Variants in ZCCHC17 observed in about 807,000 individuals in gnomAD.
ZCCHC17 encodes the protein zinc finger CCHC domain-containing protein 17.
ZCCHC17 carries 18 observed loss-of-function variants against 30.6 expected under a neutral mutation model. The ratio of observed to expected loss-of-function variants is 0.59; its 90% CI spans 0.41 to 0.87. ZCCHC17 has a LOEUF of 0.87. Ranked by LOEUF, ZCCHC17 falls within the 40% of genes least tolerant of loss-of-function variation. ZCCHC17 has a pLI of 0.00. For missense variants in ZCCHC17, 263 were observed against 284.2 expected (o/e 0.93, Z 0.54); for synonymous variants, 88 against 92.4 (o/e 0.95, Z 0.27).
intron 7 of ZCCHC17, among the ~76,000 whole-genome samples, chr1:31,358,627 AGT>A (rs1639738843): frequency 6.6e-6 from 1 of 151,634 alleles, no homozygotes; most frequent in Non-Finnish European, 1.5e-5. Context: ...AGGAGAAGTA[AGT>A]GTGGGAGTAG....
chr1:31,341,981 G>T (rs1639064310), intron 5 of ZCCHC17, among the ~76,000 whole-genome samples: 1 of 152,036 alleles, frequency 6.6e-6, no homozygotes, highest in South Asian at 2.1e-4. Flanking sequence ...GAGTGTGTGT[G>T]TAAGACCCAC....
At chr1:31,318,097 G>A (rs1057347964) in intron 2 of ZCCHC17, 4 of 1,162,398 alleles carry the variant, frequency 3.4e-6, no homozygotes, top group African/African-American at 1.6e-5. Flanking sequence ...TTTGCATATA[G>A]TGAGTATTCA....
chr1:31,299,378 G>A (rs900508778), intron 1 of ZCCHC17, among the ~76,000 whole-genome samples: 4 of 152,362 alleles, frequency 2.6e-5, no homozygotes, highest in Admixed American at 1.3e-4. Context: ...CATGCATGGA[G>A]AAAACCTTTC....
intron 1 of ZCCHC17, among the ~76,000 whole-genome samples, chr1:31,302,999 C>T (rs774758273): frequency 2.0e-5 from 3 of 152,000 alleles, no homozygotes; most frequent in Non-Finnish European, 4.4e-5. Context: ...GGCTCTTGGC[C>T]GGGTGCCATG....
chr1:31,362,969 T>C (rs977388785), intron 7 of ZCCHC17, among the ~76,000 whole-genome samples: 1 of 152,208 alleles, frequency 6.6e-6, no homozygotes, highest in Non-Finnish European at 1.5e-5. Context: ...GATGTATCCT[T>C]TTCAGTGTTC....
chr1:31,297,898 A>G (rs1646205932), intron 1 of ZCCHC17, among the ~76,000 whole-genome samples: 1 of 152,248 alleles, frequency 6.6e-6, no homozygotes, highest in East Asian at 1.9e-4. Flanking sequence ...TGGCTGGTAC[A>G]AAGAGAATGA....
chr1:31,337,592 A>G (rs561645439), intron 4 of ZCCHC17, among the ~76,000 whole-genome samples: 1 of 152,364 alleles, frequency 6.6e-6, no homozygotes, highest in African/African-American at 2.4e-5. Flanking sequence ...GACCTATGGG[A>G]CAAGTGTTTA....
chr1:31,304,376 C>CA (rs1381834343), intron 1 of ZCCHC17, among the ~76,000 whole-genome samples: 1 of 151,892 alleles, frequency 6.6e-6, no homozygotes, highest in African/African-American at 2.4e-5. Flanking sequence ...CTCCACCTCC[C>CA]ATGTTCAAGT....
intron 6 of ZCCHC17, among the ~76,000 whole-genome samples, chr1:31,347,640 T>G (rs1639322130): frequency 6.6e-6 from 1 of 152,130 alleles, no homozygotes; most frequent in Admixed American, 6.5e-5. Flanking sequence ...TTGTTGTTTT[T>G]AAGGTAGGGT....
chr1:31,323,665 T>C (rs904031745), intron 3 of ZCCHC17, among the ~76,000 whole-genome samples: 1 of 152,154 alleles, frequency 6.6e-6, no homozygotes, highest in African/African-American at 2.4e-5. Flanking sequence ...AATGTACAAT[T>C]ATCTCAAAAA....
intron 7 of ZCCHC17, among the ~76,000 whole-genome samples, chr1:31,356,287 G>T (rs1639641577): frequency 6.6e-6 from 1 of 152,208 alleles, no homozygotes; most frequent in African/African-American, 2.4e-5. Flanking sequence ...GACAGGAAAT[G>T]CAGTGTAGTC....
intron 3 of ZCCHC17, among the ~76,000 whole-genome samples, chr1:31,334,765 A>G (rs2148449610): frequency 6.6e-6 from 1 of 152,322 alleles, no homozygotes. Flanking sequence ...AGAAGGAATT[A>G]TTGACTTGTT....
intron 7 of ZCCHC17, among the ~76,000 whole-genome samples, chr1:31,355,303 C>G (rs1639606044): frequency 6.6e-6 from 1 of 151,904 alleles, no homozygotes; most frequent in South Asian, 2.1e-4. Context: ...CCCACTATTT[C>G]TACCAAGATA....
chr1:31,352,669 A>G (rs1036523618), intron 7 of ZCCHC17, among the ~76,000 whole-genome samples: 1 of 150,368 alleles, frequency 6.7e-6, no homozygotes, highest in Non-Finnish European at 1.5e-5. Context: ...CTGATCTTGA[A>G]CTCCTGGCCT....
chr1:31,360,110 G>C (rs1639814583), intron 7 of ZCCHC17, among the ~76,000 whole-genome samples: 1 of 151,928 alleles, frequency 6.6e-6, no homozygotes, highest in Non-Finnish European at 1.5e-5. Flanking sequence ...CTCCCGAGTA[G>C]CTGGGATTAC....
At chr1:31,356,932 G>A (rs192369735) in intron 7 of ZCCHC17, among the ~76,000 whole-genome samples, 405 of 152,314 alleles carry the variant, frequency 2.7e-3, no homozygotes, top group African/African-American at 9.6e-3. Flanking sequence ...TGGAGGTTTT[G>A]TAGTGAATCC....
At chr1:31,304,355 C>T (rs1052252734) in intron 1 of ZCCHC17, among the ~76,000 whole-genome samples, 2 of 151,464 alleles carry the variant, frequency 1.3e-5, no homozygotes, top group African/African-American at 4.9e-5. Context: ...ATGATCTCGG[C>T]TCGCTGCAAC....
chr1:31,301,505 TAA>T (rs1463318486), intron 1 of ZCCHC17, among the ~76,000 whole-genome samples: 1 of 152,210 alleles, frequency 6.6e-6, no homozygotes, highest in Non-Finnish European at 1.5e-5. Flanking sequence ...AAAAATTAGT[TAA>T]GAGAAGTAAA....
intron 3 of ZCCHC17, among the ~76,000 whole-genome samples, chr1:31,325,844 C>T (rs1360278454): frequency 6.6e-6 from 1 of 152,046 alleles, no homozygotes; most frequent in Non-Finnish European, 1.5e-5. Context: ...GGAAAAGTGA[C>T]ACCTGAAGAA....
Sources: allele counts gnomAD v4.1 joint callset (sites outside exome capture counted in the v4.1 genomes callset), GRCh38; gene constraint gnomAD v4.1.1; transcripts MANE v1.5; gene names NCBI Gene and HGNC (gene_info 2026-07-23, HGNC 2026-07-21).